The following NTNG1 variants were observed in gnomAD, a reference collection of about 807,000 sequenced individuals.
NTNG1 encodes the protein netrin G1, also known as netrin-G1.
A neutral mutation model predicts 54.0 loss-of-function variants in NTNG1; 16 were observed. That is an observed-to-expected ratio of 0.30 (90% CI 0.20 to 0.45). The LOEUF (loss-of-function observed/expected upper bound fraction) is 0.45. Ranked by LOEUF, NTNG1 falls within the 20% of genes least tolerant of loss-of-function variation. NTNG1 has a pLI of 1.00. For synonymous variants in NTNG1, 255 were observed against 263.1 expected (o/e 0.97, Z 0.30); for missense variants, 530 against 678.7 (o/e 0.78, Z 2.43).
intron 7 of NTNG1, among the ~76,000 whole-genome samples, chr1:107,465,557 G>A (rs1160944042): frequency 6.6e-6 from 1 of 152,204 alleles, no homozygotes; most frequent in Non-Finnish European, 1.5e-5. Context: ...TTCAAAGGAA[G>A]GATAGTATCT....
chr1:107,479,398 T>C (rs1431919367), intron 7 of NTNG1, among the ~76,000 whole-genome samples: 2 of 152,144 alleles, frequency 1.3e-5, no homozygotes, highest in African/African-American at 4.8e-5. Flanking sequence ...TACTTTGCAC[T>C]TAATAGTAAT....
At chr1:107,254,739 C>T (rs1346546575) in intron 2 of NTNG1, among the ~76,000 whole-genome samples, 3 of 152,146 alleles carry the variant, frequency 2.0e-5, no homozygotes. Flanking sequence ...AAAAATAGAA[C>T]AGACTTTTGT....
At position 107,206,392 on chromosome 1, in the gene NTNG1, T is replaced by A. The variant is rs12120168; in HGVS notation, c.246+57553T>A. On this transcript the variant is annotated intron_variant, in intron 2 of 7. Coordinates refer to ENST00000370068, the MANE Select transcript of NTNG1 (RefSeq NM_001113226.3). ...ATTTTATTTTCCCTATGGGTAATAA[T>A]GTTGAGCATCTTTTTACGTTTACTG... is the stretch of plus-strand genomic sequence containing the variant. 2.0e-5 allele frequency among the ~76,000 whole-genome samples: 3 copies of A among 152,276 alleles called. No homozygotes were observed. The East Asian group carries it at 5.8e-4, about 29-fold the overall frequency.
intron 7 of NTNG1, among the ~76,000 whole-genome samples, chr1:107,459,175 G>A (rs756066658): frequency 2.0e-5 from 3 of 152,068 alleles, no homozygotes; most frequent in Non-Finnish European, 4.4e-5. Flanking sequence ...TTCCTCTTTT[G>A]TAACTTTGCA....
intron 4 of NTNG1, among the ~76,000 whole-genome samples, chr1:107,398,030 T>C (rs143057310): frequency 2.6e-4 from 39 of 152,162 alleles, no homozygotes; most frequent in African/African-American, 2.2e-4. Context: ...GTCAGTTATC[T>C]ATGAGGGATA....
At chr1:107,408,577 A>G (rs1380346964) in intron 5 of NTNG1, 1 of 152,110 alleles carries the variant, frequency 6.6e-6, no homozygotes, top group African/African-American at 2.4e-5. Flanking sequence ...CCAAGCCTGA[A>G]ATTCACATTA....
chr1:107,438,704 G>C (rs1017298672), intron 7 of NTNG1, among the ~76,000 whole-genome samples: 1 of 152,084 alleles, frequency 6.6e-6, no homozygotes, highest in African/African-American at 2.4e-5. Context: ...GTAAGACTTG[G>C]GAGAGGAAAA....
At chr1:107,202,529 T>A (rs1249928228) in intron 2 of NTNG1, among the ~76,000 whole-genome samples, 1 of 151,792 alleles carries the variant, frequency 6.6e-6, no homozygotes, top group East Asian at 1.9e-4. Flanking sequence ...ATTTATTTTA[T>A]TTCTTTGTTT....
intron 2 of NTNG1, among the ~76,000 whole-genome samples, chr1:107,247,817 T>G (rs1420849958): frequency 2.0e-5 from 3 of 152,234 alleles, no homozygotes; most frequent in Non-Finnish European, 2.9e-5. Flanking sequence ...TATCCAGACC[T>G]TGAGAAGCTT....
chr1:107,264,902 G>A (rs966462883), intron 2 of NTNG1, among the ~76,000 whole-genome samples: 6 of 152,186 alleles, frequency 3.9e-5, no homozygotes, highest in Admixed American at 6.5e-5. Context: ...GATCAAATAT[G>A]CAGGAAGGAT....
At chr1:107,294,878 G>A (rs1212379427) in intron 2 of NTNG1, among the ~76,000 whole-genome samples, 1 of 152,066 alleles carries the variant, frequency 6.6e-6, no homozygotes, top group African/African-American at 2.4e-5. Flanking sequence ...TGAAGTTCAG[G>A]GTGTTGCAAC....
At chr1:107,269,473 AGTTT>A (rs898961106) in intron 2 of NTNG1, among the ~76,000 whole-genome samples, 3 of 152,114 alleles carry the variant, frequency 2.0e-5, no homozygotes, top group African/African-American at 7.2e-5. Context: ...ATACAATGTT[AGTTT>A]GTTTGTTTGT....
chr1:107,233,469 T>G (rs192833384), intron 2 of NTNG1, among the ~76,000 whole-genome samples: 75 of 152,316 alleles, frequency 4.9e-4, no homozygotes, highest in African/African-American at 1.5e-3. Context: ...TGTGTACAAT[T>G]TCAAAGCCCA....
chr1:107,247,412 A>G (rs1306618135), intron 2 of NTNG1, among the ~76,000 whole-genome samples: 1 of 152,212 alleles, frequency 6.6e-6, no homozygotes, highest in Non-Finnish European at 1.5e-5. Context: ...TCTACTACTG[A>G]TGAGCTGTAT....
chr1:107,221,444 A>T (rs901386362), intron 2 of NTNG1, among the ~76,000 whole-genome samples: 1 of 152,172 alleles, frequency 6.6e-6, no homozygotes, highest in African/African-American at 2.4e-5. Flanking sequence ...GACTACCTCC[A>T]TCTGCAAGGA....
chr1:107,455,057 T>G (rs1007755512), intron 7 of NTNG1, among the ~76,000 whole-genome samples: 5 of 151,054 alleles, frequency 3.3e-5, no homozygotes, highest in Non-Finnish European at 7.4e-5. Context: ...ACTCACATGG[T>G]GACTATTTTT....
chr1:107,388,163 T>C (rs933420706), intron 3 of NTNG1, among the ~76,000 whole-genome samples: 1 of 152,168 alleles, frequency 6.6e-6, no homozygotes, highest in Non-Finnish European at 1.5e-5. Context: ...CATTAATTAA[T>C]GCCCACAGAA....
At chr1:107,196,938 G>A (rs1658383061) in intron 2 of NTNG1, among the ~76,000 whole-genome samples, 1 of 151,706 alleles carries the variant, frequency 6.6e-6, no homozygotes, top group African/African-American at 2.4e-5. Context: ...TCATTCTCGG[G>A]CGGGTGTGTG....
At chr1:107,303,678 C>CTT (rs147792107) in intron 2 of NTNG1, among the ~76,000 whole-genome samples, 1 of 151,920 alleles carries the variant, frequency 6.6e-6, no homozygotes, top group African/African-American at 2.4e-5. Context: ...ATGAGTGTTT[C>CTT]TTTTTTTGTT....
Sources: gnomAD v4.1 joint callset for allele counts (sites outside exome capture counted in the v4.1 genomes callset) on GRCh38, gnomAD v4.1.1 for gene constraint, MANE v1.5 for transcripts, NCBI Gene and HGNC (gene_info 2026-07-23, HGNC 2026-07-21) for gene names.